The following GRM8 variants were observed in gnomAD, a reference collection of about 807,000 sequenced individuals.
GRM8 encodes metabotropic glutamate receptor 8.
In GRM8, 47 loss-of-function variants were observed where a neutral mutation model predicts 87.2. The ratio of observed to expected loss-of-function variants is 0.54; its 90% CI spans 0.43 to 0.69. GRM8 has a LOEUF of 0.69. Ranked by LOEUF, GRM8 falls within the 30% of genes least tolerant of loss-of-function variation. GRM8 has a pLI of 0.00. For missense variants in GRM8, 1,019 were observed against 1,139.2 expected (o/e 0.89, Z 1.52); for synonymous variants, 396 against 404.5 (o/e 0.98, Z 0.25).
At chr7:126,442,114 A>G (rs1237908053) in intron 10 of GRM8, among the ~76,000 whole-genome samples, 1 of 151,942 alleles carries the variant, frequency 6.6e-6, no homozygotes, top group Non-Finnish European at 1.5e-5. Flanking sequence ...TCGGGATGGA[A>G]CAGCTGTAGT....
intron 9 of GRM8, among the ~76,000 whole-genome samples, chr7:126,482,824 T>A (rs1378630689): frequency 6.6e-6 from 1 of 151,866 alleles, no homozygotes. Flanking sequence ...TACTACAGTT[T>A]AAAAAATAGA....
At chr7:127,026,462 C>A (rs1443183568) in intron 3 of GRM8, among the ~76,000 whole-genome samples, 1 of 152,180 alleles carries the variant, frequency 6.6e-6, no homozygotes, top group Non-Finnish European at 1.5e-5. Flanking sequence ...TACACTCCCA[C>A]CAACAGTGTA....
intron 6 of GRM8, among the ~76,000 whole-genome samples, chr7:126,894,379 T>C (rs1470019646): frequency 1.3e-5 from 2 of 152,048 alleles, no homozygotes; most frequent in Non-Finnish European, 2.9e-5. Flanking sequence ...TTCCAGAGAT[T>C]GTGTTTATTC....
At chr7:126,825,106 T>C (rs1227415548) in intron 6 of GRM8, among the ~76,000 whole-genome samples, 1 of 152,118 alleles carries the variant, frequency 6.6e-6, no homozygotes, top group Non-Finnish European at 1.5e-5. Context: ...CCCATTCTGT[T>C]GCCCAGGCTG....
At chr7:127,163,379 A>G (rs193198203) in intron 2 of GRM8, among the ~76,000 whole-genome samples, 1 of 152,288 alleles carries the variant, frequency 6.6e-6, no homozygotes, top group East Asian at 1.9e-4. Context: ...GTTGGCAGTG[A>G]CTGTTTCTCT....
intron 9 of GRM8, among the ~76,000 whole-genome samples, chr7:126,453,414 G>C (rs1802869725): frequency 1.3e-5 from 2 of 151,688 alleles, no homozygotes. Context: ...CAAATCAAAA[G>C]CTACGAATAA....
At chr7:127,066,894 A>T (rs963594482) in intron 3 of GRM8, among the ~76,000 whole-genome samples, 13 of 152,136 alleles carry the variant, frequency 8.5e-5, no homozygotes, top group African/African-American at 2.4e-4. Flanking sequence ...TGTGGTGCTT[A>T]ATGTTTTGTT....
chr7:126,610,545 A>C (rs866283848), intron 7 of GRM8, among the ~76,000 whole-genome samples: 1 of 152,154 alleles, frequency 6.6e-6, no homozygotes, highest in African/African-American at 2.4e-5. Flanking sequence ...GTATTCTCCA[A>C]AAGTATACAT....
intron 6 of GRM8, among the ~76,000 whole-genome samples, chr7:126,860,008 T>A (rs977669214): frequency 1.3e-5 from 2 of 152,146 alleles, no homozygotes; most frequent in East Asian, 3.9e-4. Context: ...TCATATTTAT[T>A]TATTTATTAC....
chr7:126,596,549 A>G (rs1016985377), intron 8 of GRM8, among the ~76,000 whole-genome samples: 1 of 152,184 alleles, frequency 6.6e-6, no homozygotes, highest in Admixed American at 6.6e-5. Context: ...TAGAGAACAC[A>G]TTAGTGGTTG....
intron 2 of GRM8, among the ~76,000 whole-genome samples, chr7:127,127,264 C>A (rs1317380616): frequency 3.3e-5 from 5 of 151,894 alleles, no homozygotes; most frequent in Admixed American, 1.3e-4. Context: ...CCACATAATC[C>A]AGCAATTCTA....
At chr7:126,993,270 A>C (rs1202939389) in intron 3 of GRM8, among the ~76,000 whole-genome samples, 5 of 152,322 alleles carry the variant, frequency 3.3e-5, no homozygotes, top group African/African-American at 1.2e-4. Context: ...GCAAAAGTTA[A>C]AAACAACCCA....
At position 127,148,548 on chromosome 7, in the gene GRM8, A is replaced by T. The variant is rs1006238978; in HGVS notation, c.511-41836T>A. Reference sequence around the variant, plus strand: ...CACATTTTTCTTCAACACACATAGAACATTCTCCAGGATAGACCATATGTT... The same window carrying T: ...CACATTTTTCTTCAACACACATAGATCATTCTCCAGGATAGACCATATGTT... On this transcript the variant is annotated intron_variant, in intron 2 of 10. Transcript: ENST00000339582. Among the ~76,000 whole-genome samples the T allele has an allele frequency of 2.0e-4, 30 of 152,128 alleles. 1 individual carries two copies. The highest frequency in any genetic ancestry group is 7.0e-4 in the African/African-American group (29 of 41,548).
intron 3 of GRM8, among the ~76,000 whole-genome samples, chr7:126,951,066 G>T (rs1472787016): frequency 6.6e-6 from 1 of 152,016 alleles, no homozygotes; most frequent in East Asian, 1.9e-4. Flanking sequence ...GTACAATAAT[G>T]CTGTAAAAAA....
chr7:126,937,772 T>G (rs1417039711), intron 3 of GRM8, among the ~76,000 whole-genome samples: 2 of 152,234 alleles, frequency 1.3e-5, no homozygotes, highest in African/African-American at 4.8e-5. Context: ...AACTTGTCCT[T>G]TAGTGCCGGG....
chr7:126,601,476 T>C (rs1797761183), intron 8 of GRM8, among the ~76,000 whole-genome samples: 2 of 152,148 alleles, frequency 1.3e-5, no homozygotes, highest in South Asian at 4.1e-4. Flanking sequence ...CAAATGGTAC[T>C]TCTAGTTCTA....
intron 2 of GRM8, among the ~76,000 whole-genome samples, chr7:127,107,749 T>C (rs1374363893): frequency 1.3e-5 from 2 of 152,132 alleles, no homozygotes; most frequent in Non-Finnish European, 2.9e-5. Flanking sequence ...TGATTCCCAA[T>C]CTATATAAAC....
chr7:127,103,427 C>T (rs1825518844), intron 3 of GRM8, among the ~76,000 whole-genome samples: 1 of 152,162 alleles, frequency 6.6e-6, no homozygotes, highest in Non-Finnish European at 1.5e-5. Flanking sequence ...CCCCTTGCTC[C>T]TGCTTCACCT....
chr7:126,650,128 T>C lies in GRM8; in HGVS notation c.1358-40630A>G, dbSNP rs1171578935. Among the ~76,000 whole-genome samples the C allele has an allele frequency of 2.0e-5, 3 of 152,222 alleles. No individual in the cohort carries two copies. The East Asian group carries it at 5.8e-4, about 29-fold the overall frequency. ...ATCACTTGAACTGCCTATCATGAAC[T>C]GGGTGCTTTCTGACCCACCTACTCA... On this transcript the variant is annotated intron_variant, in intron 7 of 10. Transcript: ENST00000339582.
Sources: allele counts gnomAD v4.1 joint callset (sites outside exome capture counted in the v4.1 genomes callset), GRCh38; gene constraint gnomAD v4.1.1; transcripts MANE v1.5; gene names NCBI Gene and HGNC (gene_info 2026-07-23, HGNC 2026-07-21).